Variants in DNAJC11 observed in about 807,000 individuals in gnomAD.
The protein encoded by DNAJC11 is DnaJ heat shock protein family (Hsp40) member C11.
In DNAJC11, 15 loss-of-function variants were observed where a neutral mutation model predicts 78.6. That is an observed-to-expected ratio of 0.19 (90% CI 0.13 to 0.29). The LOEUF is 0.29. Ranked by LOEUF, DNAJC11 falls within the 10% of genes least tolerant of loss-of-function variation. The pLI, the probability that DNAJC11 is intolerant of heterozygous loss-of-function variation, is 1.00. For synonymous variants in DNAJC11, 292 were observed against 272.1 expected (o/e 1.07, Z -0.72); for missense variants, 547 against 709.6 (o/e 0.77, Z 2.60).
intron 6 of DNAJC11, among the ~76,000 whole-genome samples, chr1:6,652,428 CTATT>C (rs935605877): frequency 1.3e-4 from 20 of 151,986 alleles, no homozygotes; most frequent in African/African-American, 4.4e-4. Context: ...GATATGAGAC[CTATT>C]TATTTATTTA....
At chr1:6,646,295 G>A (rs1225152666) in intron 7 of DNAJC11, among the ~76,000 whole-genome samples, 2 of 152,184 alleles carry the variant, frequency 1.3e-5, no homozygotes, top group Non-Finnish European at 2.9e-5. Flanking sequence ...GGGGGCCGAG[G>A]AGTGCAAGTC....
chr1:6,664,941 C>G (rs956339377), intron 4 of DNAJC11, among the ~76,000 whole-genome samples: 8 of 152,144 alleles, frequency 5.3e-5, no homozygotes, highest in African/African-American at 1.2e-4. Flanking sequence ...TTGACGAAAA[C>G]AGAGAGAAAT....
At position 6,635,624 on chromosome 1, in the gene DNAJC11, C is replaced by T. The variant is rs377020888; in HGVS notation, c.*51G>A. On this transcript the variant is annotated 3_prime_UTR_variant, in exon 16 of 16. Coordinates refer to ENST00000377577, the MANE Select transcript of DNAJC11 (RefSeq NM_018198.4). Reference sequence around the variant, plus strand: ...GTTTTTTCATTTCCAAATTTGTAGACTCCCAGGAAAAGATTTTTTGCGGCC... The same window carrying T: ...GTTTTTTCATTTCCAAATTTGTAGATTCCCAGGAAAAGATTTTTTGCGGCC... 7.8e-5 allele frequency: 125 copies of T among 1,602,912 alleles called. No homozygotes were observed. Among genetic ancestry groups the T allele is most frequent in the Admixed American group, 1.0e-4 (6 of 58,772 alleles).
chr1:6,661,469 AACAGCTGTTTT>A (rs1170795244), intron 4 of DNAJC11, among the ~76,000 whole-genome samples: 13 of 152,136 alleles, frequency 8.5e-5, no homozygotes, highest in African/African-American at 3.1e-4. Context: ...TTTCAAGACA[AACAGCTGTTTT>A]ACCTTTGAAT....
chr1:6,645,961 C>A lies in DNAJC11; in HGVS notation c.722G>T (p.Cys241Phe), dbSNP rs779235035. ...TCCACGGGATGAAAACTGCAGAGCACAGTTTGTTGTCACAAAGCTGGAGAG... is the reference window on the plus strand; with the variant it reads ...TCCACGGGATGAAAACTGCAGAGCAAAGTTTGTTGTCACAAAGCTGGAGAG... ...LTPRCFVTTN[C>F]ALQFSSRGIR... Residue 241 changes from cysteine to phenylalanine, a missense_variant, in exon 8 of 16, where the codon TGT (cysteine) becomes TTT (phenylalanine). Cys to Phe is a radical substitution (Grantham distance 205). Coordinates refer to ENST00000377577, the MANE Select transcript of DNAJC11 (RefSeq NM_018198.4). The surrounding 1 kb of genome is among the most constrained non-coding windows in gnomAD (Gnocchi z 4.1). The A allele has an allele frequency of 6.2e-7, 1 of 1,614,104 alleles. No homozygotes were observed. Among genetic ancestry groups the A allele is most frequent in the Admixed American group, 1.7e-5 (1 of 60,012 alleles).
chr1:6,639,539 C>T (rs1398138142), intron 11 of DNAJC11, among the ~76,000 whole-genome samples: 1 of 151,866 alleles, frequency 6.6e-6, no homozygotes, highest in Non-Finnish European at 1.5e-5. Context: ...ACCATGTTGG[C>T]CAGACTGGTC....
rs1039021853 is a variant in DNAJC11, at chr1:6,645,316, A to G, written c.895-190T>C. On this transcript the variant is annotated intron_variant, in intron 8 of 15. Transcript: ENST00000377577. This position sits in a 1 kb window ranked among gnomAD's most constrained non-coding sequence, Gnocchi z 4.1. ...CAGTAATTAAAAAGTGGGAGACTTC[A>G]CTGAAAACCCAGTTTTCTAGCTTCT... Among the ~76,000 whole-genome samples the G allele has an allele frequency of 6.6e-6, 1 of 152,224 alleles. No individual in the cohort carries two copies. The highest frequency in any genetic ancestry group is 2.4e-5 in the African/African-American group (1 of 41,448).
At chr1:6,648,307 C>G (rs1412687501) in intron 7 of DNAJC11, among the ~76,000 whole-genome samples, 1 of 151,898 alleles carries the variant, frequency 6.6e-6, no homozygotes, top group South Asian at 2.1e-4. Context: ...AGGTGCCCAC[C>G]ACCACGCCTG....
At chr1:6,643,781 C>A (rs1449121882) in intron 10 of DNAJC11, among the ~76,000 whole-genome samples, 1 of 152,136 alleles carries the variant, frequency 6.6e-6, no homozygotes, top group Non-Finnish European at 1.5e-5. Context: ...TGACATCAGG[C>A]GAGGCTGCTG....
intron 1 of DNAJC11, among the ~76,000 whole-genome samples, 179 bp from the exon 2 acceptor site, chr1:6,681,216 A>C (rs1371790362): frequency 1.3e-5 from 2 of 152,196 alleles, no homozygotes; most frequent in African/African-American, 4.8e-5. Flanking sequence ...CAGTTAATAA[A>C]GTGATCAATT....
chr1:6,666,934 G>C (rs1254027773), intron 4 of DNAJC11, among the ~76,000 whole-genome samples: 3 of 152,050 alleles, frequency 2.0e-5, no homozygotes, highest in African/African-American at 7.2e-5. Context: ...AAACACAGCT[G>C]AACAGTACAC....
At chr1:6,658,663 T>C (rs1415065969) in intron 4 of DNAJC11, among the ~76,000 whole-genome samples, 1 of 146,402 alleles carries the variant, frequency 6.8e-6, no homozygotes, top group East Asian at 2.0e-4. Flanking sequence ...AAAAAAAAAA[T>C]TCCCCATATC....
At position 6,638,369 on chromosome 1, in the gene DNAJC11, C is replaced by T. The variant is rs150490156; in HGVS notation, c.1254-5G>A. 4.3e-5 allele frequency: 70 copies of T among 1,612,802 alleles called. No homozygotes were observed. The East Asian group carries it at 9.1e-4, about 21-fold the overall frequency. On this transcript the variant is annotated splice_polypyrimidine_tract_variant and splice_region_variant and intron_variant, in intron 11 of 15. Transcript: ENST00000377577. The stretch of plus-strand genomic sequence containing the variant: ...TCCCTCTGCTTCTCCAATTCCCTTA[C>T]GCGAGAGGAACACAAGCCCCACGTT...
Position 6,634,823 on chromosome 1 carries a change from T to C in DNAJC11, c.*852A>G, listed in dbSNP as rs1485053424. The C allele has an allele frequency of 7.9e-6, 10 of 1,259,914 alleles. No individual in the cohort carries two copies. The South Asian group carries it at 1.4e-4, about 17-fold the overall frequency. 78.0% of individuals were successfully genotyped at this position (1,259,914 alleles called of 1,614,324 possible). A position where few individuals can be genotyped will look rare whatever the true frequency, so the allele number is the denominator to read the frequency against. On this transcript the variant is annotated 3_prime_UTR_variant, in exon 16 of 16. Transcript: ENST00000377577. The stretch of plus-strand genomic sequence containing the variant: ...CGGGCCGGGCCTGGGGTCCACGCCT[T>C]TGGGTTGGGTGTGTCTGATGTCTTG...
chr1:6,679,837 T>A (rs1158444608), intron 2 of DNAJC11, among the ~76,000 whole-genome samples: 4 of 152,160 alleles, frequency 2.6e-5, no homozygotes, highest in Admixed American at 2.6e-4. Context: ...TAGACAACAG[T>A]AAAATTAATG....
In DNAJC11 at chr1:6,674,022, C is replaced by T. The variant is rs539013584; in HGVS notation, c.276+4372G>A. 3.3e-5 allele frequency among the ~76,000 whole-genome samples: 5 copies of T among 152,322 alleles called. No individual in the cohort carries two copies. The East Asian group carries it at 5.8e-4, about 18-fold the overall frequency. ...AGTGACACCTGCAGGAGATGAGTTA[C>T]GTGGTTTCCATGGCAGTTGCCAGCC... On this transcript the variant is annotated intron_variant, in intron 3 of 15. Transcript: ENST00000377577.
chr1:6,647,061 C>G (rs1465967305), intron 7 of DNAJC11, among the ~76,000 whole-genome samples: 1 of 148,928 alleles, frequency 6.7e-6, no homozygotes, highest in Admixed American at 6.8e-5. Flanking sequence ...GAGGAAGGAG[C>G]ACTTGAGCCT....
At chr1:6,673,795 C>T (rs1001978471) in intron 3 of DNAJC11, among the ~76,000 whole-genome samples, 2 of 152,204 alleles carry the variant, frequency 1.3e-5, no homozygotes, top group African/African-American at 4.8e-5. Context: ...TGCTCTGTGA[C>T]AGTTCTAAAC....
intron 1 of DNAJC11, among the ~76,000 whole-genome samples, chr1:6,695,673 T>C (rs1642824449): frequency 7.3e-6 from 1 of 136,572 alleles, no homozygotes; most frequent in Non-Finnish European, 1.5e-5. Flanking sequence ...CCGGGTGTAC[T>C]GGTGTGTGCC....
Sources: gnomAD v4.1 joint callset for allele counts (sites outside exome capture counted in the v4.1 genomes callset) on GRCh38, gnomAD v4.1.1 for gene constraint, Gnocchi (gnomAD v3.1) non-coding constraint, MANE v1.5 for transcripts, NCBI Gene and HGNC (gene_info 2026-07-23, HGNC 2026-07-21) for gene names.